The following CPNE5 variants were observed in gnomAD, a reference collection of about 807,000 sequenced individuals.
CPNE5 encodes copine-5.
CPNE5 carries 42 observed loss-of-function variants against 81.1 expected under a neutral mutation model. That is an observed-to-expected ratio of 0.52 (90% CI 0.40 to 0.67). CPNE5 has a LOEUF of 0.67. Among genes scored for constraint, CPNE5 ranks in the 30% least tolerant of loss-of-function variants. The pLI is 0.00. For missense variants in CPNE5, 612 were observed against 815.5 expected (o/e 0.75, Z 3.04); for synonymous variants, 313 against 321.5 (o/e 0.97, Z 0.28).
chr6:36,778,886 G>A lies in CPNE5; in HGVS notation c.600C>T (p.Phe200=). The A allele has an allele frequency of 1.2e-6, 2 of 1,606,630 alleles. No individual in the cohort carries two copies. The highest frequency in any genetic ancestry group is 1.7e-6 in the Non-Finnish European group (2 of 1,173,658). ...CCTCGTTGCTTCTGTAGAATACCAA[G>A]AAGGGGTCAGATTTCCCAAAGAAAT... ...KKDFFGKSDP[F]LVFYRSNEDG... The change falls in exon 9 of 21, where the codon TTC becomes TTT. Residue 200 remains phenylalanine (F), a synonymous_variant. Coordinates refer to ENST00000244751, the MANE Select transcript of CPNE5 (RefSeq NM_020939.2).
At chr6:36,742,714 G>T in intron 20 of CPNE5, 1 of 985,250 alleles carries the variant, frequency 1.0e-6, no homozygotes, top group African/African-American at 1.7e-5. Context: ...GACAAAAACT[G>T]AGCCCTATTC....
At chr6:36,753,745 A>T (rs1486110912) in intron 13 of CPNE5, among the ~76,000 whole-genome samples, 1 of 152,224 alleles carries the variant, frequency 6.6e-6, no homozygotes, top group African/African-American at 2.4e-5. Context: ...ATGCCCTGGC[A>T]AAGTTAGCTT....
chr6:36,800,442 A>G (rs1770001315), intron 3 of CPNE5, among the ~76,000 whole-genome samples: 1 of 151,974 alleles, frequency 6.6e-6, no homozygotes, highest in Non-Finnish European at 1.5e-5. Flanking sequence ...GATTCCTCCA[A>G]TCAGAGAATT....
At chr6:36,752,976 T>G in intron 14 of CPNE5, 58 bp downstream of exon 14, 3 of 1,389,988 alleles carry the variant, frequency 2.2e-6, no homozygotes, top group African/African-American at 1.4e-5. Context: ...GTCCTGTCGG[T>G]GTGTGGGGCC....
intron 10 of CPNE5, among the ~76,000 whole-genome samples, chr6:36,771,116 G>C (rs1025080843): frequency 2.8e-4 from 43 of 152,198 alleles, no homozygotes; most frequent in African/African-American, 1.0e-3. Flanking sequence ...ATTAAAGCCA[G>C]AAGGACGTTA....
chr6:36,839,247 G>C lies in CPNE5; in HGVS notation c.95+36C>G, dbSNP rs746303116. 5.5e-6 allele frequency: 8 copies of C among 1,457,664 alleles called. No individual in the cohort carries two copies. The highest frequency in any genetic ancestry group is 7.4e-6 in the Non-Finnish European group (8 of 1,078,832). 90.3% of individuals were successfully genotyped at this position (1,457,664 alleles called of 1,614,324 possible). A position where few individuals can be genotyped will look rare whatever the true frequency, so the allele number is the denominator to read the frequency against. The stretch of plus-strand genomic sequence containing the variant: ...GGGGCCGCGGGGCTCTGCGTCCAGG[G>C]CCGGGGCAAGGGGACCCGGCCAGCG... On this transcript the variant is annotated intron_variant, in intron 1 of 20. Coordinates refer to ENST00000244751, the MANE Select transcript of CPNE5 (RefSeq NM_020939.2). The surrounding 1 kb of genome is among the most constrained non-coding windows in gnomAD (Gnocchi z 7.3).
intron 6 of CPNE5, among the ~76,000 whole-genome samples, chr6:36,796,556 T>C (rs138383965): frequency 6.6e-6 from 1 of 152,312 alleles, no homozygotes; most frequent in East Asian, 1.9e-4. Flanking sequence ...CAGCACATGG[T>C]TAACACTGAA....
In CPNE5 at chr6:36,746,278, C is replaced by A. The variant is rs1764148742; in HGVS notation, c.1200+118G>T. ...CTACACACAGCAGGCAGTCTACCTC[C>A]ACTGAGGCTGAGCCTTAAGTCCCCG... On this transcript the variant is annotated intron_variant, in intron 16 of 20. Coordinates refer to ENST00000244751, the MANE Select transcript of CPNE5 (RefSeq NM_020939.2). The surrounding 1 kb of genome is among the most constrained non-coding windows in gnomAD (Gnocchi z 4.5). 2.1e-6 allele frequency: 3 copies of A among 1,458,828 alleles called. No individual in the cohort carries two copies. The highest frequency in any genetic ancestry group is 2.7e-6 in the Non-Finnish European group (3 of 1,107,354). 90.4% of individuals were successfully genotyped at this position (1,458,828 alleles called of 1,614,324 possible). A position where few individuals can be genotyped will look rare whatever the true frequency, so the allele number is the denominator to read the frequency against.
chr6:36,801,722 T>C (rs1205808777), intron 3 of CPNE5, among the ~76,000 whole-genome samples: 1 of 152,134 alleles, frequency 6.6e-6, no homozygotes, highest in African/African-American at 2.4e-5. Flanking sequence ...AAATAATGTA[T>C]GTGTCCACTT....
intron 1 of CPNE5, among the ~76,000 whole-genome samples, chr6:36,833,549 A>G (rs1194485214): frequency 6.6e-6 from 1 of 152,268 alleles, no homozygotes; most frequent in Non-Finnish European, 1.5e-5. Context: ...CTGACCTTGA[A>G]GAAATGAGCT....
intron 6 of CPNE5, among the ~76,000 whole-genome samples, chr6:36,797,509 A>G (rs1769698565): frequency 6.6e-6 from 1 of 152,166 alleles, no homozygotes; most frequent in Admixed American, 6.5e-5. Context: ...TATACAGGCA[A>G]GGGCCCTGCC....
At chr6:36,810,747 A>G (rs1771030835) in intron 3 of CPNE5, among the ~76,000 whole-genome samples, 1 of 152,158 alleles carries the variant, frequency 6.6e-6, no homozygotes, top group Admixed American at 6.5e-5. Context: ...GCCCAGAGAG[A>G]GATGGGGCTT....
At chr6:36,793,714 G>T (rs1481249539) in intron 7 of CPNE5, among the ~76,000 whole-genome samples, 1 of 152,096 alleles carries the variant, frequency 6.6e-6, no homozygotes, top group African/African-American at 2.4e-5. Context: ...CTCTCCCTGG[G>T]CTGTGAGCAT....
At chr6:36,822,221 G>C (rs1475608098) in intron 2 of CPNE5, 61 bp from the exon 3 acceptor site, 6 of 1,375,032 alleles carry the variant, frequency 4.4e-6, no homozygotes, top group South Asian at 1.6e-5. Flanking sequence ...AGGGGTCCCA[G>C]ATGAAAAGGA....
Position 36,748,152 on chromosome 6 carries a change from G to C in CPNE5, c.1018+69C>G. The C allele has an allele frequency of 4.2e-6, 6 of 1,418,212 alleles. No individual in the cohort carries two copies. In the South Asian group the frequency reaches 6.9e-5, roughly 16 times the overall value. The allele number at this position is 1,418,212 out of a possible 1,614,324, so 87.9% of individuals were successfully genotyped here. On this transcript the variant is annotated intron_variant, in intron 15 of 20. Transcript: ENST00000244751. The stretch of plus-strand genomic sequence containing the variant: ...AGTATGAGGGTCATGGTCCCAGCCA[G>C]GGCCAGATGCCACAGCCCTTAAAAG...
intron 8 of CPNE5, among the ~76,000 whole-genome samples, chr6:36,785,363 T>A (rs236414): frequency 0.71 from 108,317 of 151,844 alleles, 39,712 homozygotes; most frequent in East Asian, 0.97. Context: ...CATCAAAAAA[T>A]TTTTTTTAAT....
intron 1 of CPNE5, among the ~76,000 whole-genome samples, chr6:36,829,341 A>G (rs1232156104): frequency 2.0e-5 from 3 of 151,584 alleles, no homozygotes; most frequent in African/African-American, 7.3e-5. Context: ...AAAAAAAATA[A>G]ACAAAATTAG....
intron 3 of CPNE5, among the ~76,000 whole-genome samples, chr6:36,802,926 C>T (rs916480719): frequency 2.6e-5 from 4 of 152,108 alleles, no homozygotes; most frequent in Admixed American, 6.5e-5. Flanking sequence ...GGCTTGATGG[C>T]GCACGCCTAT....
chr6:36,773,178 C>T (rs1742972061), intron 10 of CPNE5, among the ~76,000 whole-genome samples: 1 of 152,146 alleles, frequency 6.6e-6, no homozygotes, highest in Admixed American at 6.5e-5. Flanking sequence ...CGCCTGACCC[C>T]AGGTGTCTGT....
Sources: gnomAD v4.1 joint callset for allele counts (sites outside exome capture counted in the v4.1 genomes callset) on GRCh38, gnomAD v4.1.1 for gene constraint, Gnocchi (gnomAD v3.1) non-coding constraint, MANE v1.5 for transcripts, NCBI Gene and HGNC (gene_info 2026-07-23, HGNC 2026-07-21) for gene names.